Variants in DPYD observed in about 807,000 individuals in gnomAD.
DPYD encodes dihydropyrimidine dehydrogenase [NADP(+)].
A neutral mutation model predicts 116.2 loss-of-function variants in DPYD; 109 were observed. The observed-to-expected ratio is 0.94, with a 90% CI of 0.80 to 1.10. The LOEUF (loss-of-function observed/expected upper bound fraction) is 1.10. Among genes scored for constraint, DPYD ranks in the 50% least tolerant of loss-of-function variants. The probability of loss-of-function intolerance (pLI) is 0.00; values close to 1 mark genes in which losing one functional copy is unlikely to be tolerated. For synonymous variants in DPYD, 440 were observed against 432.0 expected (o/e 1.02, Z -0.23); for missense variants, 1,302 against 1,254.5 (o/e 1.04, Z -0.57).
chr1:97,593,042 A>G (rs1654628351), intron 10 of DPYD, among the ~76,000 whole-genome samples, 176 bp downstream of exon 10: 2 of 152,238 alleles, frequency 1.3e-5, no homozygotes, highest in South Asian at 4.1e-4. Flanking sequence ...AATCAGTATT[A>G]CAAATTTTCT....
intron 5 of DPYD, among the ~76,000 whole-genome samples, chr1:97,718,758 T>C (rs1372678137): frequency 2.0e-5 from 3 of 151,794 alleles, no homozygotes; most frequent in African/African-American, 7.3e-5. Context: ...CTTCTGCTTT[T>C]CCAACAATTC....
At chr1:97,160,556 T>C (rs954641454) in intron 20 of DPYD, among the ~76,000 whole-genome samples, 1 of 152,056 alleles carries the variant, frequency 6.6e-6, no homozygotes, top group African/African-American at 2.4e-5. Flanking sequence ...AATAGAAGGA[T>C]TGTAAGAGAT....
chr1:97,687,178 G>A (rs1008179260), intron 7 of DPYD, among the ~76,000 whole-genome samples: 24 of 152,108 alleles, frequency 1.6e-4, no homozygotes, highest in African/African-American at 5.8e-4. Flanking sequence ...CACTCGGGCA[G>A]GAAAACAGCT....
intron 1 of DPYD, among the ~76,000 whole-genome samples, chr1:97,911,634 C>A (rs900307054): frequency 6.6e-6 from 1 of 151,836 alleles, no homozygotes; most frequent in African/African-American, 2.4e-5. Context: ...TATGCACATG[C>A]ACACACATGA....
intron 19 of DPYD, among the ~76,000 whole-genome samples, chr1:97,230,355 C>A (rs12729191): frequency 6.6e-6 from 1 of 152,056 alleles, no homozygotes; most frequent in Non-Finnish European, 1.5e-5. Flanking sequence ...GAGCTGGAGG[C>A]CATTATCCTT....
At chr1:97,881,535 A>C (rs1672219754) in intron 2 of DPYD, among the ~76,000 whole-genome samples, 1 of 152,072 alleles carries the variant, frequency 6.6e-6, no homozygotes, top group South Asian at 2.1e-4. Flanking sequence ...GTCAATATAT[A>C]TTTGACAGAG....
chr1:97,522,787 T>C (rs569481305), intron 12 of DPYD, among the ~76,000 whole-genome samples: 1 of 152,030 alleles, frequency 6.6e-6, no homozygotes. Flanking sequence ...TGTAGAGATA[T>C]AAATAAAATC....
At chr1:97,518,935 C>G (rs1276946586) in intron 12 of DPYD, among the ~76,000 whole-genome samples, 2 of 151,954 alleles carry the variant, frequency 1.3e-5, no homozygotes, top group African/African-American at 2.4e-5. Context: ...ACACATATAT[C>G]TATTTTGCTG....
intron 14 of DPYD, among the ~76,000 whole-genome samples, chr1:97,395,526 C>T (rs1380231847): frequency 6.6e-6 from 1 of 151,986 alleles, no homozygotes; most frequent in Non-Finnish European, 1.5e-5. Context: ...TCTACTACAT[C>T]AAGACTATAC....
At chr1:97,525,183 T>C (rs918391766) in intron 12 of DPYD, among the ~76,000 whole-genome samples, 4 of 152,202 alleles carry the variant, frequency 2.6e-5, no homozygotes, top group African/African-American at 9.6e-5. Flanking sequence ...TTGCTTCATG[T>C]CTCAGTCTTT....
intron 11 of DPYD, among the ~76,000 whole-genome samples, chr1:97,555,018 T>C (rs1275693877): frequency 6.6e-6 from 1 of 152,194 alleles, no homozygotes; most frequent in African/African-American, 2.4e-5. Flanking sequence ...TTCTCGGTCA[T>C]ATACTTGGAC....
intron 20 of DPYD, among the ~76,000 whole-genome samples, chr1:97,098,986 CAGA>C (rs1343801101): frequency 1.3e-5 from 2 of 152,214 alleles, no homozygotes; most frequent in East Asian, 3.9e-4. Flanking sequence ...TTTGTATAGA[CAGA>C]AGGTGAAACC....
intron 14 of DPYD, among the ~76,000 whole-genome samples, chr1:97,391,810 A>C (rs563642979): frequency 9.9e-5 from 15 of 152,146 alleles, no homozygotes; most frequent in African/African-American, 2.9e-4. Flanking sequence ...TAGGCTATAC[A>C]AGACCATAGT....
chr1:97,654,723 G>T (rs1280527922), intron 8 of DPYD, among the ~76,000 whole-genome samples: 1 of 152,080 alleles, frequency 6.6e-6, no homozygotes, highest in African/African-American at 2.4e-5. Flanking sequence ...AAAATAACGT[G>T]AAAATAGTCA....
intron 16 of DPYD, among the ~76,000 whole-genome samples, chr1:97,350,151 A>G (rs1428346452): frequency 6.6e-6 from 1 of 152,142 alleles, no homozygotes; most frequent in Non-Finnish European, 1.5e-5. Context: ...AGACCAAAGA[A>G]AAAGAAAGGA....
intron 20 of DPYD, among the ~76,000 whole-genome samples, chr1:97,123,122 C>T (rs1052817989): frequency 6.6e-6 from 1 of 152,094 alleles, no homozygotes; most frequent in Admixed American, 6.6e-5. Context: ...AAAGGAAAAA[C>T]CTCAGTTTTC....
intron 8 of DPYD, among the ~76,000 whole-genome samples, chr1:97,617,323 G>A (rs1418248123): frequency 6.6e-6 from 1 of 152,046 alleles, no homozygotes; most frequent in African/African-American, 2.4e-5. Flanking sequence ...AAGGTAATTG[G>A]CTAGGGACTA....
chr1:97,423,140 A>G (rs917250119), intron 14 of DPYD, among the ~76,000 whole-genome samples: 2 of 152,104 alleles, frequency 1.3e-5, no homozygotes, highest in African/African-American at 2.4e-5. Flanking sequence ...CCACATAAAA[A>G]TGTTGGTCCT....
intron 18 of DPYD, among the ~76,000 whole-genome samples, chr1:97,300,641 C>T (rs1233551516): frequency 1.3e-5 from 2 of 151,928 alleles, no homozygotes; most frequent in East Asian, 1.9e-4. Context: ...TTTGTTTTGC[C>T]ATCTCCCTGA....
Sources: allele counts gnomAD v4.1 joint callset (sites outside exome capture counted in the v4.1 genomes callset), GRCh38; gene constraint gnomAD v4.1.1; transcripts MANE v1.5; gene names NCBI Gene and HGNC (gene_info 2026-07-23, HGNC 2026-07-21).